SMURF1: variants seen among roughly 807,000 people sequenced by gnomAD.
SMURF1 encodes the protein E3 ubiquitin-protein ligase SMURF1.
In SMURF1, 44 loss-of-function variants were observed where a neutral mutation model predicts 98.0. That is an observed-to-expected ratio of 0.45 (90% CI 0.35 to 0.58). SMURF1 has a LOEUF of 0.58. Ranked by LOEUF, SMURF1 falls within the 20% of genes least tolerant of loss-of-function variation. The pLI, the probability that SMURF1 is intolerant of heterozygous loss-of-function variation, is 0.00. For synonymous variants in SMURF1, 396 were observed against 374.9 expected (o/e 1.06, Z -0.65); for missense variants, 687 against 938.4 (o/e 0.73, Z 3.50).
intron 11 of SMURF1, among the ~76,000 whole-genome samples, chr7:99,043,007 A>C (rs535670723): frequency 6.6e-6 from 1 of 152,364 alleles, no homozygotes; most frequent in African/African-American, 2.4e-5. Context: ...TCCGAATCCT[A>C]TAAAGTCTCT....
intron 10 of SMURF1, among the ~76,000 whole-genome samples, chr7:99,046,283 G>A (rs1286969043): frequency 6.6e-6 from 1 of 152,108 alleles, no homozygotes; most frequent in Non-Finnish European, 1.5e-5. Flanking sequence ...AAGACATAAG[G>A]TGGCTTAAGC....
intron 8 of SMURF1, 72 bp downstream of exon 8, chr7:99,051,285 T>G: frequency 8.5e-7 from 1 of 1,171,076 alleles, no homozygotes; most frequent in Non-Finnish European, 1.3e-6. Flanking sequence ...GAGCAACACA[T>G]CTGGAAGGTA....
intron 1 of SMURF1, among the ~76,000 whole-genome samples, chr7:99,071,837 G>T (rs1796330952): frequency 6.6e-6 from 1 of 152,148 alleles, no homozygotes. Flanking sequence ...ACTTTGGGAG[G>T]CTGAGGCAGG....
intron 3 of SMURF1, among the ~76,000 whole-genome samples, chr7:99,058,509 T>C (rs1795941601): frequency 6.6e-6 from 1 of 152,194 alleles, no homozygotes; most frequent in Admixed American, 6.5e-5. Context: ...TACAGAATAC[T>C]GGTTTGCGAC....
chr7:99,063,283 AT>A (rs1796105716), intron 1 of SMURF1, among the ~76,000 whole-genome samples: 4 of 17,344 alleles, frequency 2.3e-4, no homozygotes, highest in East Asian at 1.5e-3. Context: ...ATATATATAT[AT>A]ATATATATAT....
rs10570853 is a variant in SMURF1, at chr7:99,127,328, AAG to A, written c.55+16396_55+16397del. On this transcript the variant is annotated intron_variant, in intron 1 of 17. Coordinates refer to ENST00000361368, the MANE Select transcript of SMURF1 (RefSeq NM_181349.3). ...ATGCTCCCATCTGTGTTAAAAGAAA[AAG>A]AGGGAGGGAGTGAGAAAAGGAAGAG... 2.0e-3 allele frequency among the ~76,000 whole-genome samples: 304 copies of A among 152,288 alleles called. 1 individual carries two copies. Among genetic ancestry groups the A allele is most frequent in the African/African-American group, 7.2e-3 (301 of 41,546 alleles).
intron 1 of SMURF1, among the ~76,000 whole-genome samples, chr7:99,096,914 T>C (rs1796967323): frequency 6.6e-6 from 1 of 152,206 alleles, no homozygotes; most frequent in Admixed American, 6.5e-5. Flanking sequence ...TGAAAGGGAC[T>C]AGAGTCATAC....
chr7:99,139,164 C>T (rs746609435), intron 1 of SMURF1, among the ~76,000 whole-genome samples: 9 of 152,208 alleles, frequency 5.9e-5, no homozygotes, highest in Non-Finnish European at 1.3e-4. Flanking sequence ...AATTGAGACA[C>T]CTGTAATTCA....
chr7:99,032,400 G>A (rs1016939991), intron 17 of SMURF1, among the ~76,000 whole-genome samples: 9 of 152,230 alleles, frequency 5.9e-5, no homozygotes, highest in African/African-American at 2.2e-4. Context: ...CGGGCTTGGT[G>A]GCTCACGCCT....
At chr7:99,115,614 T>C (rs1306906993) in intron 1 of SMURF1, among the ~76,000 whole-genome samples, 1 of 152,010 alleles carries the variant, frequency 6.6e-6, no homozygotes, top group African/African-American at 2.4e-5. Context: ...GGGACACTAC[T>C]ACTCAACTTA....
chr7:99,052,478 T>C (rs1176924515), intron 6 of SMURF1, 32 bp from the exon 7 acceptor site: 8 of 1,487,794 alleles, frequency 5.4e-6, no homozygotes, highest in Non-Finnish European at 7.2e-6. Flanking sequence ...AGGCATGGTG[T>C]CACCATGGAG....
rs1214491414 is a variant in SMURF1 at position 99,063,266 on chromosome 7, T to G, written c.56-1429A>C. 4.9e-3 allele frequency among the ~76,000 whole-genome samples: 52 copies of G among 10,678 alleles called. 4 individuals are homozygous for G. Among genetic ancestry groups the G allele is most frequent in the East Asian group, 0.032 (17 of 536 alleles). 7.0% of individuals were successfully genotyped at this position (10,678 alleles called of 152,430 possible). A position where few individuals can be genotyped will look rare whatever the true frequency, so the allele number is the denominator to read the frequency against. ...TTATATATATATATATATATATATA[T>G]ATATATATATATATATATATATATA... On this transcript the variant is annotated intron_variant, in intron 1 of 17. Transcript: ENST00000361368.
chr7:99,032,806 A>G (rs1007873265), intron 17 of SMURF1: 12 of 674,028 alleles, frequency 1.8e-5, no homozygotes, highest in African/African-American at 7.2e-5. Flanking sequence ...AAGCCGCTCT[A>G]TACAGTGTCG....
At chr7:99,113,491 G>A (rs879933774) in intron 1 of SMURF1, among the ~76,000 whole-genome samples, 1 of 152,160 alleles carries the variant, frequency 6.6e-6, no homozygotes, top group Non-Finnish European at 1.5e-5. Flanking sequence ...AAAGTTTGTA[G>A]ATAGTAAACC....
chr7:99,037,338 A>G lies in SMURF1; in HGVS notation c.1689-151T>C. The G allele has an allele frequency of 5.3e-6, 5 of 948,104 alleles. No individual in the cohort carries two copies. The Admixed American group carries it at 1.0e-4, about 19-fold the overall frequency. The allele number at this position is 948,104 out of a possible 1,614,324, so 58.7% of individuals were successfully genotyped here. On this transcript the variant is annotated intron_variant, in intron 14 of 17. Transcript: ENST00000361368. ...CTGCAACCTCAGCCTCCTGGGTTCAAGCAATTCTTCTGCCTCACCCTCCCC... is the reference window on the plus strand; with the variant it reads ...CTGCAACCTCAGCCTCCTGGGTTCAGGCAATTCTTCTGCCTCACCCTCCCC...
intron 1 of SMURF1, among the ~76,000 whole-genome samples, chr7:99,118,917 G>C (rs531171952): frequency 6.7e-6 from 1 of 150,242 alleles, no homozygotes; most frequent in Admixed American, 6.7e-5. Context: ...GCTGCAGTAC[G>C]TGATGCAATG....
intron 10 of SMURF1, 159 bp downstream of exon 10, chr7:99,047,525 A>G: frequency 1.4e-6 from 1 of 720,840 alleles, no homozygotes; most frequent in African/African-American, 1.8e-5. Context: ...CAATACCTCA[A>G]ATACCAAACA....
At chr7:99,053,694 T>A (rs1795814348) in intron 6 of SMURF1, among the ~76,000 whole-genome samples, 1 of 152,206 alleles carries the variant, frequency 6.6e-6, no homozygotes. Flanking sequence ...CATTCCTGGT[T>A]CCCTGTATTT....
chr7:99,044,559 T>G (rs1473826355), intron 11 of SMURF1, among the ~76,000 whole-genome samples: 1 of 152,124 alleles, frequency 6.6e-6, no homozygotes, highest in East Asian at 1.9e-4. Flanking sequence ...TGACAGAATT[T>G]AAGAGGCAGA....
Sources: allele counts gnomAD v4.1 joint callset (sites outside exome capture counted in the v4.1 genomes callset), GRCh38; gene constraint gnomAD v4.1.1; transcripts MANE v1.5; gene names NCBI Gene and HGNC (gene_info 2026-07-23, HGNC 2026-07-21).